The following C9orf72 variants were observed in gnomAD, a reference collection of about 807,000 sequenced individuals.
C9orf72 encodes the protein guanine nucleotide exchange factor C9orf72.
C9orf72 carries 44 observed loss-of-function variants against 51.6 expected under a neutral mutation model. The observed-to-expected ratio is 0.85, with a 90% CI of 0.67 to 1.10. The LOEUF is 1.10. Ranked by LOEUF, C9orf72 falls within the 50% of genes least tolerant of loss-of-function variation. The probability of loss-of-function intolerance (pLI) is 0.00; values close to 1 mark genes in which losing one functional copy is unlikely to be tolerated. For synonymous variants in C9orf72, 213 were observed against 194.2 expected (o/e 1.10, Z -0.81); for missense variants, 607 against 570.6 (o/e 1.06, Z -0.65).
chr9:27,548,454 A>AAAAAAAAAAT, intron 10 of C9orf72, 32 bp from the exon 11 acceptor site: 2 of 1,410,018 alleles, frequency 1.4e-6, no homozygotes, highest in Non-Finnish European at 1.9e-6. Context: ...AAAAAAAAAA[A>AAAAAAAAAAT]AAAAAAAGAA....
chr9:27,553,040 G>A (rs1482476088), intron 8 of C9orf72, among the ~76,000 whole-genome samples: 2 of 151,998 alleles, frequency 1.3e-5, no homozygotes, highest in African/African-American at 4.8e-5. Flanking sequence ...AATAATACCA[G>A]CTTTTCTTTA....
Position 27,567,058 on chromosome 9 carries a change from G to A in C9orf72, c.63C>T (p.Gly21=), listed in dbSNP as rs963794561. ...AAGTAGCTGCTAATAAAGGTGATTT[G>A]CCACTTAAAGCAATCTCTGTCTTGG... The part of the protein sequence containing the change: ...AVAKTEIALS[G]KSPLLAATFA... Residue 21 remains glycine, a synonymous_variant, in exon 2 of 11, where the codon GGC becomes GGT. Coordinates refer to ENST00000380003, the MANE Select transcript of C9orf72 (RefSeq NM_018325.5). The A allele has an allele frequency of 1.2e-6, 2 of 1,613,894 alleles. No homozygotes were observed. The highest frequency in any genetic ancestry group is 1.7e-6 in the Non-Finnish European group (2 of 1,179,916).
At chr9:27,563,997 T>C (rs1819410776) in intron 3 of C9orf72, among the ~76,000 whole-genome samples, 1 of 152,142 alleles carries the variant, frequency 6.6e-6, no homozygotes, top group South Asian at 2.1e-4. Flanking sequence ...GTTGTGAGAT[T>C]TGCAAGAACT....
At chr9:27,568,302 A>G (rs1819515165) in intron 1 of C9orf72, among the ~76,000 whole-genome samples, 1 of 151,762 alleles carries the variant, frequency 6.6e-6, no homozygotes, top group Admixed American at 6.6e-5. Context: ...CACTGCAAAG[A>G]GAGTTCTACA....
chr9:27,562,400 C>A lies in C9orf72; in HGVS notation c.581G>T (p.Ser194Ile). The A allele has an allele frequency of 6.3e-7, 1 of 1,584,592 alleles. No homozygotes were observed. Among genetic ancestry groups the A allele is most frequent in the Non-Finnish European group, 8.6e-7 (1 of 1,162,210 alleles). ...MELLSSMKSH[S>I]VPEEIDIADT... ...ACTTACATCTATTTCTTCAGGAACA[C>A]TGTGTGATTTCATAGATGAAAGCAG... Residue 194 changes from serine to isoleucine, a missense_variant, in exon 4 of 11, where the codon AGT becomes ATT. Ser to Ile is a moderately radical substitution (Grantham distance 142). Coordinates refer to ENST00000380003, the MANE Select transcript of C9orf72 (RefSeq NM_018325.5).
chr9:27,567,329 C>T (rs1304950816), intron 1 of C9orf72, among the ~76,000 whole-genome samples, 165 bp from the exon 2 acceptor site: 1 of 152,150 alleles, frequency 6.6e-6, no homozygotes, highest in Non-Finnish European at 1.5e-5. Context: ...AGTAGGTGCA[C>T]ATTAAATGTT....
intron 1 of C9orf72, among the ~76,000 whole-genome samples, chr9:27,572,276 G>T (rs1819603653): frequency 6.6e-6 from 1 of 152,122 alleles, no homozygotes; most frequent in African/African-American, 2.4e-5. Context: ...ACTGATTCAG[G>T]GTTTTCCTAA....
At chr9:27,557,559 G>A (rs1471835638) in intron 7 of C9orf72, among the ~76,000 whole-genome samples, 1 of 151,964 alleles carries the variant, frequency 6.6e-6, no homozygotes, top group Admixed American at 6.6e-5. Flanking sequence ...ATTTCCTCTA[G>A]GCATCTGGTA....
At chr9:27,560,490 T>A (rs1476778544) in intron 5 of C9orf72, 191 bp from the exon 6 acceptor site, 1 of 645,284 alleles carries the variant, frequency 1.5e-6, no homozygotes, top group East Asian at 3.8e-5. Flanking sequence ...TCACAGAAAT[T>A]TTCTTATTGA....
rs879307887 is a variant in C9orf72, at chr9:27,568,836, CT to C, written c.-44-1673del. On this transcript the variant is annotated intron_variant, in intron 1 of 10. Coordinates refer to ENST00000380003, the MANE Select transcript of C9orf72 (RefSeq NM_018325.5). Reference sequence around the variant, plus strand: ...GTTATTTTAGAGTGCACTCCTTCTACTTTTTTTTTTTTTAAGTTAAATGTAA... The same window carrying C: ...GTTATTTTAGAGTGCACTCCTTCTACTTTTTTTTTTTTAAGTTAAATGTAA... 3.8e-3 allele frequency among the ~76,000 whole-genome samples: 556 copies of C among 145,070 alleles called. 2 individuals carry two copies. Among genetic ancestry groups the C allele is most frequent in the East Asian group, 7.1e-3 (36 of 5,050 alleles).
At chr9:27,570,180 A>T (rs1222311062) in intron 1 of C9orf72, among the ~76,000 whole-genome samples, 1 of 152,246 alleles carries the variant, frequency 6.6e-6, no homozygotes, top group Non-Finnish European at 1.5e-5. Context: ...CAGCTTCTTT[A>T]AAATATCCAC....
rs766954922 is a variant in C9orf72, at chr9:27,561,668, T to TA, written c.601-20dup. 3.4e-6 allele frequency: 5 copies of TA among 1,484,328 alleles called. No homozygotes were observed. In the Admixed American group the frequency reaches 5.5e-5, roughly 16 times the overall value. 91.9% of individuals were successfully genotyped at this position (1,484,328 alleles called of 1,614,324 possible). On this transcript the variant is annotated intron_variant, in intron 4 of 10. Transcript: ENST00000380003. Reference sequence around the variant, plus strand: ...CAGCTATCTAAAATGCATCAAAAAATAAAAAAATTAGTCTGGCTGTAACAT... The same window carrying TA: ...CAGCTATCTAAAATGCATCAAAAAATAAAAAAAATTAGTCTGGCTGTAACAT...
In C9orf72 at chr9:27,556,661, A is replaced by T; in HGVS notation, c.991T>A (p.Tyr331Asn). The T allele has an allele frequency of 6.2e-7, 1 of 1,613,938 alleles. No individual in the cohort carries two copies. The highest frequency in any genetic ancestry group is 8.5e-7 in the Non-Finnish European group (1 of 1,179,892). The change falls in exon 8 of 11, where the codon TAC becomes AAC. Residue 331 changes from tyrosine to asparagine, a missense_variant. Physicochemically the swap from Tyr to Asn is moderately radical, Grantham distance 143. Transcript: ENST00000380003. ...AAGGCTGTCAGCTCGGATCTCATGT[A>T]TCTACGCTGATTATAAATATGTTCA... is the stretch of plus-strand genomic sequence containing the variant. The part of the protein sequence containing the change: ...CHEHIYNQRR[Y>N]MRSELTAFWR...
intron 5 of C9orf72, chr9:27,560,548 A>T: frequency 1.4e-6 from 1 of 693,770 alleles, no homozygotes; most frequent in Non-Finnish European, 1.9e-6. Context: ...TAATTAATGT[A>T]TTTATTTATT....
chr9:27,563,411 G>A (rs1460821825), intron 3 of C9orf72, among the ~76,000 whole-genome samples: 1 of 152,092 alleles, frequency 6.6e-6, no homozygotes. Context: ...TCAGTTTTGT[G>A]ACCAACTTGG....
chr9:27,566,654 T>C lies in C9orf72; in HGVS notation c.444+23A>G, dbSNP rs74350897. 8.9e-4 allele frequency: 1,351 copies of C among 1,519,972 alleles called. 12 individuals are homozygous for C. In the African/African-American group the frequency reaches 0.017, roughly 19 times the overall value. The allele number at this position is 1,519,972 out of a possible 1,614,324, so 94.2% of individuals were successfully genotyped here. On this transcript the variant is annotated intron_variant, in intron 2 of 10. Coordinates refer to ENST00000380003, the MANE Select transcript of C9orf72 (RefSeq NM_018325.5). ...CTTTCAACAGATAGGTTAACATGAT[T>C]AATAAGCTGAAAAATCACTTACCTT...
intron 8 of C9orf72, among the ~76,000 whole-genome samples, chr9:27,551,382 A>C (rs1419023385): frequency 1.3e-5 from 2 of 152,216 alleles, no homozygotes; most frequent in East Asian, 1.9e-4. Context: ...ACACACAAAC[A>C]AACAGGACTA....
In C9orf72 at chr9:27,548,565, T is replaced by C. The variant is rs1433950831; in HGVS notation, c.1251A>G (p.Glu417=). 1 of 1,584,152 alleles carries C rather than the reference T, an allele frequency of 6.3e-7. No homozygotes were observed. Among genetic ancestry groups the C allele is most frequent in the African/African-American group, 1.3e-5 (1 of 74,316 alleles). Reference sequence around the variant, plus strand: ...GTAGGAGTTTTACTCACGTATCGTCTTCTATATATTTTATTAGTGTCAAGG... The same window carrying C: ...GTAGGAGTTTTACTCACGTATCGTCCTCTATATATTTTATTAGTGTCAAGG... ...RKALTLIKYI[E]DDTQKGKKPF... is the part of the protein sequence containing the mutation. The change falls in exon 10 of 11, where the codon GAA becomes GAG. Residue 417 remains glutamate (E), a synonymous_variant. Transcript: ENST00000380003.
chr9:27,567,476 T>C (rs538252357), intron 1 of C9orf72, among the ~76,000 whole-genome samples: 33 of 152,324 alleles, frequency 2.2e-4, no homozygotes, highest in Non-Finnish European at 4.1e-4. Flanking sequence ...GCTCATAGAA[T>C]AGACCCGCAG....
Sources: gnomAD v4.1 joint callset for allele counts (sites outside exome capture counted in the v4.1 genomes callset) on GRCh38, gnomAD v4.1.1 for gene constraint, MANE v1.5 for transcripts, NCBI Gene and HGNC (gene_info 2026-07-23, HGNC 2026-07-21) for gene names.